The following UBE2R2 variants were observed in gnomAD, a reference collection of about 807,000 sequenced individuals.
The protein encoded by UBE2R2 is ubiquitin-conjugating enzyme E2 R2.
In UBE2R2, 1 loss-of-function variant was observed where a neutral mutation model predicts 27.8. That is an observed-to-expected ratio of 0.04 (90% confidence interval 0.01 to 0.17). The LOEUF (loss-of-function observed/expected upper bound fraction) is 0.17. UBE2R2 is among the 10% of genes least tolerant of loss of function. The pLI is 1.00. For missense variants in UBE2R2, 100 were observed against 291.0 expected (o/e 0.34, Z 4.78); for synonymous variants, 106 against 113.3 (o/e 0.94, Z 0.41).
intron 3 of UBE2R2, among the ~76,000 whole-genome samples, chr9:33,901,014 G>A (rs375583738): frequency 2.3e-4 from 35 of 152,020 alleles, no homozygotes; most frequent in South Asian, 1.0e-3. Flanking sequence ...GGTGTGCAGC[G>A]GTGTGATCAC....
At chr9:33,852,226 G>A (rs1265312416) in intron 1 of UBE2R2, among the ~76,000 whole-genome samples, 1 of 152,144 alleles carries the variant, frequency 6.6e-6, no homozygotes, top group South Asian at 2.1e-4. Flanking sequence ...CAGGAGGATC[G>A]CTTGAGTCCG....
At chr9:33,870,893 T>C (rs1324228652) in intron 1 of UBE2R2, among the ~76,000 whole-genome samples, 1 of 152,224 alleles carries the variant, frequency 6.6e-6, no homozygotes, top group Non-Finnish European at 1.5e-5. Flanking sequence ...TTCTTTCTCC[T>C]CAATCCCAAT....
rs1206277121 is a variant in UBE2R2 at position 33,919,398 on chromosome 9, C to G, written c.*2161C>G. ...TTCATTCCCCTTTGCTAAAGCATCTCACTCCCAGGGCAGCCCCAGCACCCT... is the reference window on the plus strand; with the variant it reads ...TTCATTCCCCTTTGCTAAAGCATCTGACTCCCAGGGCAGCCCCAGCACCCT... On this transcript the variant is annotated 3_prime_UTR_variant, in exon 5 of 5. Transcript: ENST00000263228. 1 of 152,166 alleles carries G rather than the reference C, an allele frequency of 6.6e-6. No homozygotes were observed. Among genetic ancestry groups the G allele is most frequent in the Non-Finnish European group, 1.5e-5 (1 of 68,070 alleles). 9.4% of individuals were successfully genotyped at this position (152,166 alleles called of 1,614,324 possible). A position where few individuals can be genotyped will look rare whatever the true frequency, so the allele number is the denominator to read the frequency against.
At chr9:33,886,752 G>A (rs1274159324) in intron 1 of UBE2R2, 129 bp from the exon 2 acceptor site, 37 of 668,422 alleles carry the variant, frequency 5.5e-5, no homozygotes, top group Non-Finnish European at 8.6e-5. Context: ...GTATGTCTGA[G>A]CTACTTTAAT....
chr9:33,861,847 C>CTTTTTTT (rs775634986), intron 1 of UBE2R2, among the ~76,000 whole-genome samples: 7 of 95,446 alleles, frequency 7.3e-5, no homozygotes, highest in Non-Finnish European at 1.1e-4. Flanking sequence ...GATCCACTTT[C>CTTTTTTT]TTTTTTTTTT....
At chr9:33,859,895 C>T (rs1821191541) in intron 1 of UBE2R2, among the ~76,000 whole-genome samples, 1 of 151,722 alleles carries the variant, frequency 6.6e-6, no homozygotes, top group Admixed American at 6.6e-5. Context: ...CAGCTTCAAC[C>T]TCCTGGGCTC....
chr9:33,857,778 G>T (rs1006468250), intron 1 of UBE2R2, among the ~76,000 whole-genome samples: 1 of 152,162 alleles, frequency 6.6e-6, no homozygotes, highest in Non-Finnish European at 1.5e-5. Context: ...ATGCTTTTAA[G>T]TATATAGAAA....
At chr9:33,833,001 C>G (rs2252367) in intron 1 of UBE2R2, among the ~76,000 whole-genome samples, 3 of 151,824 alleles carry the variant, frequency 2.0e-5, no homozygotes, top group African/African-American at 7.3e-5. Context: ...TCTGAGGACT[C>G]AGAGTTATTA....
intron 1 of UBE2R2, among the ~76,000 whole-genome samples, chr9:33,827,970 C>CA (rs200334146): frequency 0.082 from 11,679 of 143,284 alleles, 643 homozygotes; most frequent in Non-Finnish European, 0.12. Context: ...GACTCCCTCT[C>CA]AAAAAAAAAA....
chr9:33,855,795 C>T (rs1358438331), intron 1 of UBE2R2, among the ~76,000 whole-genome samples: 1 of 152,184 alleles, frequency 6.6e-6, no homozygotes, highest in Non-Finnish European at 1.5e-5. Context: ...TGAAACCTTA[C>T]AGCTAGGCAA....
chr9:33,880,052 C>CT (rs1362428727), intron 1 of UBE2R2, among the ~76,000 whole-genome samples: 1 of 151,332 alleles, frequency 6.6e-6, no homozygotes, highest in Non-Finnish European at 1.5e-5. Context: ...TGGCTGGCAA[C>CT]TTTTTGTATT....
chr9:33,866,075 A>G (rs1161699436), intron 1 of UBE2R2, among the ~76,000 whole-genome samples: 1 of 151,246 alleles, frequency 6.6e-6, no homozygotes, highest in Non-Finnish European at 1.5e-5. Flanking sequence ...CAGGTGATCC[A>G]CCCACCTCAG....
intron 1 of UBE2R2, among the ~76,000 whole-genome samples, chr9:33,838,537 A>G (rs1820664567): frequency 6.6e-6 from 1 of 152,210 alleles, no homozygotes; most frequent in Non-Finnish European, 1.5e-5. Flanking sequence ...GTGTATGTAC[A>G]TACAATAAAA....
intron 1 of UBE2R2, among the ~76,000 whole-genome samples, chr9:33,869,122 A>G (rs1821425775): frequency 6.6e-6 from 1 of 151,926 alleles, no homozygotes; most frequent in Admixed American, 6.6e-5. Context: ...GAAAAAAACT[A>G]GTTGGGTGTG....
At chr9:33,879,864 C>T (rs552843043) in intron 1 of UBE2R2, among the ~76,000 whole-genome samples, 11 of 146,896 alleles carry the variant, frequency 7.5e-5, no homozygotes, top group Non-Finnish European at 1.6e-4. Flanking sequence ...CTGTCCTTTC[C>T]TCTTTATTTT....
At chr9:33,876,060 A>G (rs1169586458) in intron 1 of UBE2R2, among the ~76,000 whole-genome samples, 3 of 152,224 alleles carry the variant, frequency 2.0e-5, no homozygotes, top group Non-Finnish European at 2.9e-5. Context: ...GTGAAATAGT[A>G]TGTTTAAATT....
At chr9:33,873,578 CA>C (rs1461182724) in intron 1 of UBE2R2, among the ~76,000 whole-genome samples, 1 of 152,122 alleles carries the variant, frequency 6.6e-6, no homozygotes, top group African/African-American at 2.4e-5. Context: ...TAAGGAAGTT[CA>C]GTTATAACTC....
Position 33,917,045 on chromosome 9 carries a change from A to C in UBE2R2, c.525A>C (p.Glu175Asp). 1 of 1,614,256 alleles carries C rather than the reference A, an allele frequency of 6.2e-7. No individual in the cohort carries two copies. Among genetic ancestry groups the C allele is most frequent in the Non-Finnish European group, 8.5e-7 (1 of 1,180,036 alleles). Residue 175 changes from glutamate (E) to aspartate (D), a missense_variant, in exon 5 of 5, where the codon GAA becomes GAC. Coordinates refer to ENST00000263228, the MANE Select transcript of UBE2R2 (RefSeq NM_017811.4). ...AACAAGTTTCAGCCACTAAGGCCGA[A>C]GCAGAAAAGGATGGAGTGAAGGTCC... ...IRKQVSATKA[E>D]AEKDGVKVPT...
intron 1 of UBE2R2, among the ~76,000 whole-genome samples, chr9:33,886,465 G>C (rs559518629): frequency 2.6e-5 from 4 of 152,062 alleles, no homozygotes; most frequent in African/African-American, 9.6e-5. Flanking sequence ...GACCATCCTG[G>C]CCAACATGGT....
Sources: allele counts gnomAD v4.1 joint callset (sites outside exome capture counted in the v4.1 genomes callset), GRCh38; gene constraint gnomAD v4.1.1; transcripts MANE v1.5; gene names NCBI Gene and HGNC (gene_info 2026-07-23, HGNC 2026-07-21).